The following HYDIN variants were observed in gnomAD, a reference collection of about 807,000 sequenced individuals.
HYDIN encodes axonemal central pair apparatus protein HYDIN.
HYDIN carries 132 observed loss-of-function variants against 403.9 expected under a neutral mutation model. That is an observed-to-expected ratio of 0.33 (90% CI 0.28 to 0.38). The LOEUF (loss-of-function observed/expected upper bound fraction) is 0.38, where lower values mean the gene tolerates loss of function less well. Among genes scored for constraint, HYDIN ranks in the 10% least tolerant of loss-of-function variants. The probability of loss-of-function intolerance (pLI) is 1.00; values close to 1 mark genes in which losing one functional copy is unlikely to be tolerated. For missense variants in HYDIN, 2,827 were observed against 5,009.5 expected (o/e 0.56, Z 13.15); for synonymous variants, 1,202 against 1,891.7 (o/e 0.64, Z 9.46).
intron 9 of HYDIN, among the ~76,000 whole-genome samples, chr16:71,124,361 C>A (rs1270576323): frequency 6.6e-6 from 1 of 152,246 alleles, no homozygotes; most frequent in Non-Finnish European, 1.5e-5. Flanking sequence ...AACTGCTTTT[C>A]ACATGATACT....
chr16:71,098,733 T>TAAAAA (rs56001948), intron 10 of HYDIN, among the ~76,000 whole-genome samples: 52 of 128,160 alleles, frequency 4.1e-4, no homozygotes, highest in African/African-American at 1.2e-3. Context: ...CTGCCTTTCT[T>TAAAAA]AAAAAAAAAA....
At chr16:71,158,586 T>C (rs1366855272) in intron 6 of HYDIN, among the ~76,000 whole-genome samples, 1 of 142,770 alleles carries the variant, frequency 7.0e-6, no homozygotes, top group Admixed American at 6.8e-5. Context: ...AGATTCTTTT[T>C]TTCATAGAAA....
At chr16:71,051,740 T>G (rs559964896) in intron 18 of HYDIN, among the ~76,000 whole-genome samples, 1 of 152,284 alleles carries the variant, frequency 6.6e-6, no homozygotes, top group African/African-American at 2.4e-5. Context: ...CCTCTACTAT[T>G]CAGCATTGCA....
At chr16:71,198,651 C>A (rs949958981) in intron 1 of HYDIN, among the ~76,000 whole-genome samples, 2 of 152,168 alleles carry the variant, frequency 1.3e-5, no homozygotes, top group African/African-American at 4.8e-5. Context: ...TTTCCAGGGT[C>A]CCTCAGCTGT....
intron 47 of HYDIN, among the ~76,000 whole-genome samples, chr16:70,916,811 ATT>A (rs769113610): frequency 6.6e-6 from 1 of 152,070 alleles, no homozygotes; most frequent in Non-Finnish European, 1.5e-5. Flanking sequence ...CTTAAGTGCC[ATT>A]TCTTTTTCTT....
chr16:71,220,525 T>C (rs2089143583), intron 1 of HYDIN, among the ~76,000 whole-genome samples: 1 of 152,116 alleles, frequency 6.6e-6, no homozygotes, highest in African/African-American at 2.4e-5. Context: ...AAAAAGAAAA[T>C]ATTTAAGTCA....
chr16:71,225,183 C>T (rs1291582319), intron 1 of HYDIN, among the ~76,000 whole-genome samples: 9 of 151,982 alleles, frequency 5.9e-5, no homozygotes, highest in South Asian at 2.1e-4. Flanking sequence ...TAGGGTTCTC[C>T]GTTCCCCACT....
In HYDIN at chr16:70,868,739, T is replaced by C. The variant is rs774456924; in HGVS notation, c.11141A>G (p.Lys3714Arg). The C allele has an allele frequency of 6.2e-7, 1 of 1,614,028 alleles. No individual in the cohort carries two copies. The highest frequency in any genetic ancestry group is 1.7e-5 in the Admixed American group (1 of 60,010). ...CTTTAGGTTGATGGGTACATCTGAC[T>C]TCATGGTCACCACTATGTCCTTGGC... ...GCAKDIVVTM[K>R]SDVPINLKNM... Residue 3714 changes from lysine (K) to arginine (R), a missense_variant, in exon 66 of 86, where the codon AAG becomes AGG. By Grantham distance (26) the Lys-to-Arg change is conservative. Coordinates refer to ENST00000393567, the MANE Select transcript of HYDIN (RefSeq NM_001270974.2).
intron 1 of HYDIN, among the ~76,000 whole-genome samples, chr16:71,207,546 T>C (rs2088363056): frequency 1.3e-5 from 2 of 152,158 alleles, no homozygotes; most frequent in African/African-American, 4.8e-5. Context: ...AACTATATGA[T>C]AACAGAATCA....
rs267604620 is a variant in HYDIN, at chr16:70,943,866, C to T, written c.6615G>A (p.Met2205Ile). 5.6e-6 allele frequency: 9 copies of T among 1,613,608 alleles called. No homozygotes were observed. Among genetic ancestry groups the T allele is most frequent in the Non-Finnish European group, 7.6e-6 (9 of 1,180,030 alleles). Residue 2205 changes from methionine to isoleucine, a missense_variant, in exon 42 of 86, where the codon ATG (methionine) becomes ATA (isoleucine). Met to Ile is a conservative substitution (Grantham distance 10). Transcript: ENST00000393567. Reference protein sequence around the residue: ...SPSVGGETGLMSCVLPDELLV... With the variant: ...SPSVGGETGLISCVLPDELLV... The stretch of plus-strand genomic sequence containing the variant: ...GAAGTTCATCCGGGAGCACACAGCT[C>T]ATCAGCCCGGTCTCGCCTCCGACAC...
chr16:70,841,620 G>A (rs1050057560), intron 75 of HYDIN, among the ~76,000 whole-genome samples: 4 of 152,084 alleles, frequency 2.6e-5, no homozygotes, highest in South Asian at 2.1e-4. Flanking sequence ...ATGAGGGATC[G>A]CCCTCATGAA....
At chr16:70,931,608 C>T (rs2077336460) in intron 45 of HYDIN, among the ~76,000 whole-genome samples, 1 of 151,772 alleles carries the variant, frequency 6.6e-6, no homozygotes, top group African/African-American at 2.4e-5. Context: ...CGTGCATATT[C>T]AGATTTGAAA....
chr16:71,174,653 AG>A (rs1247163288), intron 5 of HYDIN, among the ~76,000 whole-genome samples: 1 of 152,048 alleles, frequency 6.6e-6, no homozygotes, highest in African/African-American at 2.4e-5. Flanking sequence ...CTCCACCCTC[AG>A]GCCCCCATAC....
intron 20 of HYDIN, among the ~76,000 whole-genome samples, chr16:71,026,880 G>A (rs2080722632): frequency 6.6e-6 from 1 of 151,874 alleles, no homozygotes; most frequent in Admixed American, 6.6e-5. Context: ...CTCCAAATTT[G>A]GCAACACAAG....
intron 38 of HYDIN, among the ~76,000 whole-genome samples, chr16:70,961,435 G>A (rs1396284490): frequency 3.9e-5 from 6 of 152,188 alleles, no homozygotes; most frequent in African/African-American, 1.4e-4. Context: ...GGACAAGGTT[G>A]CTTATGCCTT....
Position 70,818,288 on chromosome 16 carries a change from G to A in HYDIN, c.14658+54C>T, listed in dbSNP as rs2035977330. On this transcript the variant is annotated intron_variant, in intron 84 of 85. Transcript: ENST00000393567. ...GAGTGTGGATCCAGAGATCTCATGG[G>A]TGGAAGCCACTCTCACAGCTCTCAG... is the stretch of plus-strand genomic sequence containing the variant. 9 of 1,164,884 alleles carry A rather than the reference G, an allele frequency of 7.7e-6. No homozygotes were observed. In the East Asian group the frequency reaches 2.3e-4, roughly 29 times the overall value. The allele number at this position is 1,164,884 out of a possible 1,614,324, so 72.2% of individuals were successfully genotyped here. A position where few individuals can be genotyped will look rare whatever the true frequency, so the allele number is the denominator to read the frequency against.
chr16:71,215,213 A>AGAAGGGAG (rs1166360255), intron 1 of HYDIN, among the ~76,000 whole-genome samples: 16 of 152,004 alleles, frequency 1.1e-4, no homozygotes, highest in African/African-American at 3.9e-4. Flanking sequence ...AAGCAAGGAA[A>AGAAGGGAG]GAAGGGAGGA....
chr16:70,980,375 T>C (rs1259873110), intron 29 of HYDIN, among the ~76,000 whole-genome samples: 1 of 151,460 alleles, frequency 6.6e-6, no homozygotes, highest in Non-Finnish European at 1.5e-5. Context: ...GGCATGGCAG[T>C]GCACATCTGT....
rs2085756773 is a variant in HYDIN at position 71,156,135 on chromosome 16, C to T, written c.717-3352G>A. Among the ~76,000 whole-genome samples, 5 of 151,570 alleles carry T rather than the reference C, an allele frequency of 3.3e-5. No individual in the cohort carries two copies. In the South Asian group the frequency reaches 6.3e-4, roughly 19 times the overall value. On this transcript the variant is annotated intron_variant, in intron 6 of 85. Coordinates refer to ENST00000393567, the MANE Select transcript of HYDIN (RefSeq NM_001270974.2). ...AAATGAATTGGATATTATTATATTG[C>T]AGTACCTAAACTATTAATAATTTTT...
Sources: gnomAD v4.1 joint callset for allele counts (sites outside exome capture counted in the v4.1 genomes callset) on GRCh38, gnomAD v4.1.1 for gene constraint, MANE v1.5 for transcripts, NCBI Gene and HGNC (gene_info 2026-07-23, HGNC 2026-07-21) for gene names.